Variants in ERICH1 observed in about 807,000 individuals in gnomAD.
The protein encoded by ERICH1 is glutamate-rich protein 1.
Under a neutral mutation model 39.6 loss-of-function variants are expected in ERICH1, and 56 were observed. The observed-to-expected ratio is 1.41, with a 90% CI of 1.14 to 1.77. ERICH1 has a LOEUF of 1.77. Among genes scored for constraint, ERICH1 ranks in the 40% most tolerant of loss-of-function variants. The probability of loss-of-function intolerance (pLI) is 0.00; values close to 1 mark genes in which losing one functional copy is unlikely to be tolerated. For synonymous variants in ERICH1, 313 were observed against 223.6 expected (o/e 1.40, Z -3.57); for missense variants, 826 against 575.4 (o/e 1.44, Z -4.45).
intron 3 of ERICH1, among the ~76,000 whole-genome samples, chr8:635,111 A>T (rs1798322125): frequency 6.6e-6 from 1 of 151,832 alleles, no homozygotes; most frequent in Non-Finnish European, 1.5e-5. Context: ...TAAAAAAAAA[A>T]AGCACCTCAC....
At chr8:650,354 C>T (rs1255498611) in intron 3 of ERICH1, among the ~76,000 whole-genome samples, 1 of 152,244 alleles carries the variant, frequency 6.6e-6, no homozygotes, top group African/African-American at 2.4e-5. Flanking sequence ...GCAGGCAGAA[C>T]GGGCTTTCCT....
downstream of ERICH1, among the ~76,000 whole-genome samples, chr8:660,845 G>C (rs1369151553): frequency 6.6e-6 from 1 of 152,102 alleles, no homozygotes; most frequent in Admixed American, 6.5e-5. Context: ...CCGGCCATGA[G>C]CTATATGGGA....
At position 634,554 on chromosome 8, in the gene ERICH1, A is replaced by T. The variant is rs140389853; in HGVS notation, c.977-19270T>A. On this transcript the variant is annotated intron_variant, in intron 3 of 3. Coordinates refer to the ERICH1 transcript ENST00000522706. ...GCCCCGTCGGGCGGGCACCTTCAAC[A>T]GCAGGTTTGCTTGCGGCTCACTCCA... is the stretch of plus-strand genomic sequence containing the variant. 2.9e-3 allele frequency among the ~76,000 whole-genome samples: 442 copies of T among 152,332 alleles called. 1 individual carries two copies. The highest frequency in any genetic ancestry group is 0.01 in the African/African-American group (421 of 41,588).
At chr8:681,670 G>A (rs987898156) in intron 3 of ERICH1, among the ~76,000 whole-genome samples, 1 of 152,184 alleles carries the variant, frequency 6.6e-6, no homozygotes, top group African/African-American at 2.4e-5. Flanking sequence ...AGACAGACCT[G>A]TTTCTTTGTA....
chr8:694,864 C>T (rs1809773177), intron 2 of ERICH1, among the ~76,000 whole-genome samples: 1 of 152,170 alleles, frequency 6.6e-6, no homozygotes, highest in African/African-American at 2.4e-5. Flanking sequence ...AGTTCCCCGT[C>T]CCATCATCTC....
exon 4 of ERICH1, chr8:615,008 G>A (rs1796842451): frequency 7.0e-6 from 3 of 429,474 alleles, no homozygotes; most frequent in East Asian, 7.1e-5. Context: ...CTTGGGCACT[G>A]CCTCATTCAA....
Position 673,696 on chromosome 8 carries a change from G to A in ERICH1, c.656C>T (p.Thr219Ile), listed in dbSNP as rs61741834. 33,801 of 1,614,046 alleles carry A rather than the reference G, an allele frequency of 0.021. 416 individuals are homozygous for A. Among genetic ancestry groups the A allele is most frequent in the Middle Eastern group, 0.041 (250 of 6,062 alleles). The change falls in exon 4 of 6, where the codon ACA becomes ATA. Residue 219 changes from threonine (T) to isoleucine (I), a missense_variant. Physicochemically the swap from Thr to Ile is moderately conservative, Grantham distance 89 (BLOSUM62 -1). Coordinates refer to ENST00000262109, the MANE Select transcript of ERICH1 (RefSeq NM_207332.3). ...DGVDTSEEDP[T>I]LAGEEDVKDT... ...TTTAACGTCTTCCTCCCCGGCCAGTGTCGGGTCTTCCTCGCTGGTGTCCAC... is the reference window on the plus strand; with the variant it reads ...TTTAACGTCTTCCTCCCCGGCCAGTATCGGGTCTTCCTCGCTGGTGTCCAC...
chr8:660,137 G>A (rs867082416), downstream of ERICH1, among the ~76,000 whole-genome samples: 32 of 139,992 alleles, frequency 2.3e-4, 1 homozygote, highest in African/African-American at 6.3e-4. Flanking sequence ...GCCCCTGCCC[G>A]GGGTCATGGC....
intron 3 of ERICH1, among the ~76,000 whole-genome samples, chr8:682,328 G>A (rs1806316944): frequency 3.3e-5 from 5 of 152,220 alleles, no homozygotes; most frequent in Non-Finnish European, 4.4e-5. Context: ...TAAGACAGTT[G>A]GCTCAGCAGG....
intron 4 of ERICH1, among the ~76,000 whole-genome samples, chr8:672,376 CGT>C (rs1476266815): frequency 6.6e-6 from 1 of 152,188 alleles, no homozygotes; most frequent in Non-Finnish European, 1.5e-5. Flanking sequence ...GAGTGCTCTT[CGT>C]GTTGAAATCA....
intron 3 of ERICH1, among the ~76,000 whole-genome samples, chr8:627,886 C>G (rs927028525): frequency 6.6e-6 from 1 of 152,188 alleles, no homozygotes; most frequent in African/African-American, 2.4e-5. Flanking sequence ...GGGCAGATCC[C>G]AGCTGCCTCC....
downstream of ERICH1, among the ~76,000 whole-genome samples, chr8:662,345 G>T (rs1801548286): frequency 6.6e-6 from 1 of 152,246 alleles, no homozygotes; most frequent in African/African-American, 2.4e-5. Context: ...CAAAGCATGT[G>T]CTATTAATTA....
At chr8:709,471 T>C (rs1319308920) in intron 2 of ERICH1, among the ~76,000 whole-genome samples, 1 of 152,238 alleles carries the variant, frequency 6.6e-6, no homozygotes, top group African/African-American at 2.4e-5. Context: ...GCTCCAACTG[T>C]TCAGCAAAAG....
intron 2 of ERICH1, among the ~76,000 whole-genome samples, chr8:708,683 T>TTTTTTTTTG (rs1813934741): frequency 6.1e-4 from 26 of 42,460 alleles, no homozygotes; most frequent in South Asian, 1.1e-3. Flanking sequence ...GATAATGAGT[T>TTTTTTTTTG]TTTTTTTTTT....
In ERICH1 at chr8:684,181, T is replaced by C. The variant is rs1353809531; in HGVS notation, c.304+8297A>G. Among the ~76,000 whole-genome samples, 12 of 152,272 alleles carry C rather than the reference T, an allele frequency of 7.9e-5. No individual in the cohort carries two copies. The East Asian group carries it at 9.6e-4, about 12-fold the overall frequency. On this transcript the variant is annotated intron_variant, in intron 3 of 5. Coordinates refer to ENST00000262109, the MANE Select transcript of ERICH1 (RefSeq NM_207332.3). The stretch of plus-strand genomic sequence containing the variant: ...TTTATAAGCAATAAAAGTCTTAAAA[T>C]AGGGCAATAAAGTGCTAAATTCCCT...
chr8:678,210 G>C (rs550797252), intron 3 of ERICH1, among the ~76,000 whole-genome samples: 1 of 151,942 alleles, frequency 6.6e-6, no homozygotes, highest in South Asian at 2.1e-4. Context: ...TTACTCCTTG[G>C]GTGGTCTAAG....
rs140964661 is a variant in ERICH1, at chr8:720,928, C to T, written c.23-4921G>A. Among the ~76,000 whole-genome samples, 50 of 152,298 alleles carry T rather than the reference C, an allele frequency of 3.3e-4. 1 individual carries two copies. In the East Asian group the frequency reaches 6.8e-3, roughly 21 times the overall value. On this transcript the variant is annotated intron_variant, in intron 1 of 5. Transcript: ENST00000262109. The stretch of plus-strand genomic sequence containing the variant: ...CTGGTAAGCCTTGTCACAGAAAAGA[C>T]GAGCACGTCCCGCACAATGCTTCAC...
chr8:655,813 G>GT (rs1800589467), intron 3 of ERICH1, among the ~76,000 whole-genome samples: 1 of 151,804 alleles, frequency 6.6e-6, no homozygotes, highest in Non-Finnish European at 1.5e-5. Context: ...TTCTATTGTT[G>GT]TATGTGCCTC....
rs569114558 is a variant in ERICH1 at position 724,931 on chromosome 8, T to G, written c.22+6209A>C. 1.3e-5 allele frequency among the ~76,000 whole-genome samples: 2 copies of G among 152,250 alleles called. 1 individual carries two copies. The highest frequency in any genetic ancestry group is 3.9e-4 in the East Asian group (2 of 5,160). On this transcript the variant is annotated intron_variant, in intron 1 of 5. Transcript: ENST00000262109. ...CGAGGGAGCCACGGCTGCCCCATTG[T>G]GGCCTCCTGGACCCCACTTCTTCCC... is the stretch of plus-strand genomic sequence containing the variant.
Sources: allele counts gnomAD v4.1 joint callset (sites outside exome capture counted in the v4.1 genomes callset), GRCh38; gene constraint gnomAD v4.1.1; transcripts MANE v1.5; gene names NCBI Gene and HGNC (gene_info 2026-07-23, HGNC 2026-07-21).